The following IGSF11 variants were observed in gnomAD, a reference collection of about 807,000 sequenced individuals.
IGSF11 encodes immunoglobulin superfamily member 11.
In IGSF11, 22 loss-of-function variants were observed where a neutral mutation model predicts 41.0. The ratio of observed to expected loss-of-function variants is 0.54; its 90% CI spans 0.38 to 0.77. The LOEUF (loss-of-function observed/expected upper bound fraction) is 0.77. Ranked by LOEUF, IGSF11 falls within the 30% of genes least tolerant of loss-of-function variation. IGSF11 has a pLI of 0.00. For synonymous variants in IGSF11, 219 were observed against 201.3 expected (o/e 1.09, Z -0.74); for missense variants, 444 against 530.8 (o/e 0.84, Z 1.61).
At chr3:119,015,110 A>G (rs965403211) in intron 1 of IGSF11, among the ~76,000 whole-genome samples, 1 of 152,222 alleles carries the variant, frequency 6.6e-6, no homozygotes, top group Non-Finnish European at 1.5e-5. Context: ...GCAAACAAAC[A>G]TCACATGTAA....
At chr3:118,935,510 C>A (rs1334596685) in intron 1 of IGSF11, among the ~76,000 whole-genome samples, 1 of 151,036 alleles carries the variant, frequency 6.6e-6, no homozygotes, top group Non-Finnish European at 1.5e-5. Flanking sequence ...GAAGAATTTG[C>A]ACAAGGAAGA....
intron 1 of IGSF11, among the ~76,000 whole-genome samples, chr3:118,980,065 AATGTAAATTAGTG>A (rs1934550862): frequency 6.6e-6 from 1 of 152,196 alleles, no homozygotes; most frequent in African/African-American, 2.4e-5. Flanking sequence ...TGTTGGTTGT[AATGTAAATTAGTG>A]CAGCCACTAT....
intron 1 of IGSF11, among the ~76,000 whole-genome samples, chr3:119,000,067 T>C: frequency 6.8e-6 from 1 of 148,050 alleles, no homozygotes; most frequent in Admixed American, 6.7e-5. Flanking sequence ...ATTATTCTTT[T>C]TTTTTTTTTT....
intron 1 of IGSF11, among the ~76,000 whole-genome samples, chr3:118,966,018 A>G (rs939625736): frequency 6.6e-6 from 1 of 151,916 alleles, no homozygotes; most frequent in Non-Finnish European, 1.5e-5. Flanking sequence ...AAAAAAAAAA[A>G]CAGAAGAGTA....
chr3:118,906,794 G>A (rs1397361666), intron 4 of IGSF11, among the ~76,000 whole-genome samples: 1 of 152,090 alleles, frequency 6.6e-6, no homozygotes, highest in Non-Finnish European at 1.5e-5. Flanking sequence ...TATGTTCCAG[G>A]CATTGGGTAA....
intron 1 of IGSF11, among the ~76,000 whole-genome samples, chr3:119,002,299 A>C (rs1284599605): frequency 6.8e-6 from 1 of 146,970 alleles, no homozygotes; most frequent in African/African-American, 2.6e-5. Flanking sequence ...CATGTCCTTC[A>C]CCCACTTTTT....
chr3:118,967,839 A>G (rs1041662076), intron 1 of IGSF11, among the ~76,000 whole-genome samples: 1 of 152,190 alleles, frequency 6.6e-6, no homozygotes, highest in Non-Finnish European at 1.5e-5. Flanking sequence ...TTTACTATGC[A>G]TTGGCAAGCA....
rs193140589 is a variant in IGSF11 at position 119,074,801 on chromosome 3, G to A, written c.49+30343C>T. On this transcript the variant is annotated intron_variant, in intron 1 of 6. Transcript: ENST00000354673. ...TGGGAGGCGGAGCTTGCAGTGAGCT[G>A]AGATCGCACCACTGCACTCCAGCCT... Among the ~76,000 whole-genome samples, 334 of 152,130 alleles carry A rather than the reference G, an allele frequency of 2.2e-3. 3 individuals are homozygous for A. The highest frequency in any genetic ancestry group is 7.4e-3 in the African/African-American group (307 of 41,494).
chr3:118,986,332 A>G (rs1935254112), intron 1 of IGSF11, among the ~76,000 whole-genome samples: 1 of 152,162 alleles, frequency 6.6e-6, no homozygotes, highest in Non-Finnish European at 1.5e-5. Flanking sequence ...TAGACTGTAA[A>G]TTTCTAAAAG....
At chr3:119,078,738 C>T (rs2076542121) in intron 1 of IGSF11, among the ~76,000 whole-genome samples, 1 of 152,050 alleles carries the variant, frequency 6.6e-6, no homozygotes, top group South Asian at 2.1e-4. Context: ...AACTAAAGAG[C>T]TTCTGCAAAG....
At chr3:119,039,137 C>T (rs1048990502), upstream of IGSF11, among the ~76,000 whole-genome samples, 1 of 152,088 alleles carries the variant, frequency 6.6e-6, no homozygotes, top group African/African-American at 2.4e-5. Flanking sequence ...TGACAGGGCC[C>T]GTGTTAGTTG....
chr3:118,911,190 C>G (rs535679913), intron 4 of IGSF11, among the ~76,000 whole-genome samples: 76 of 151,708 alleles, frequency 5.0e-4, no homozygotes, highest in Non-Finnish European at 9.4e-4. Flanking sequence ...TAACTGTTGA[C>G]ATTTAATCTT....
chr3:118,967,334 T>G (rs1248500905), intron 1 of IGSF11, among the ~76,000 whole-genome samples: 1 of 152,200 alleles, frequency 6.6e-6, no homozygotes, highest in East Asian at 1.9e-4. Flanking sequence ...ATTTTAAATC[T>G]CTAATCTTTC....
At chr3:119,045,027 A>C (rs986928735) in intron 1 of IGSF11, among the ~76,000 whole-genome samples, 1 of 152,258 alleles carries the variant, frequency 6.6e-6, no homozygotes, top group Admixed American at 6.5e-5. Context: ...AATCAGCATG[A>C]TGAATAGAAC....
At chr3:119,060,594 T>G (rs1942022824) in intron 1 of IGSF11, among the ~76,000 whole-genome samples, 1 of 152,214 alleles carries the variant, frequency 6.6e-6, no homozygotes, top group Non-Finnish European at 1.5e-5. Flanking sequence ...CAAGTAATTT[T>G]ACTTCATTTT....
chr3:118,933,928 A>G (rs576060703), intron 1 of IGSF11, among the ~76,000 whole-genome samples: 48 of 152,148 alleles, frequency 3.2e-4, no homozygotes, highest in Middle Eastern at 3.4e-3. Flanking sequence ...GTGAGCTTCA[A>G]ATACCATCTG....
At chr3:118,992,297 T>C (rs1000736451) in intron 1 of IGSF11, among the ~76,000 whole-genome samples, 5 of 152,232 alleles carry the variant, frequency 3.3e-5, no homozygotes, top group African/African-American at 1.2e-4. Flanking sequence ...GTTATGAGTC[T>C]CCCAGTTATC....
At chr3:118,952,746 T>C (rs181711854) in intron 1 of IGSF11, among the ~76,000 whole-genome samples, 1 of 152,206 alleles carries the variant, frequency 6.6e-6, no homozygotes, top group Admixed American at 6.6e-5. Flanking sequence ...AAAAATTAGA[T>C]CTTAAAACTG....
At chr3:119,001,945 T>C (rs879894545) in intron 1 of IGSF11, among the ~76,000 whole-genome samples, 6 of 137,022 alleles carry the variant, frequency 4.4e-5, no homozygotes, top group Admixed American at 3.7e-4. Flanking sequence ...TGTGCATGTG[T>C]CTTTATAGCA....
Sources: allele counts gnomAD v4.1 joint callset (sites outside exome capture counted in the v4.1 genomes callset), GRCh38; gene constraint gnomAD v4.1.1; transcripts MANE v1.5; gene names NCBI Gene and HGNC (gene_info 2026-07-23, HGNC 2026-07-21).